The following PCBP2 variants were observed in gnomAD, a reference collection of about 807,000 sequenced individuals.
PCBP2 encodes poly(rC) binding protein 2, also known as poly(rC)-binding protein 2.
A neutral mutation model predicts 50.1 loss-of-function variants in PCBP2; 4 were observed. The ratio of observed to expected loss-of-function variants is 0.08; its 90% CI spans 0.04 to 0.18. PCBP2 has a LOEUF of 0.18. Among genes scored for constraint, PCBP2 ranks in the 10% least tolerant of loss-of-function variants. The pLI is 1.00. For synonymous variants in PCBP2, 179 were observed against 168.0 expected, an observed-to-expected ratio of 1.07 and a Z score of -0.51; for missense variants, 161 against 474.3, an observed-to-expected ratio of 0.34 and a Z score of 6.14.
chr12:53,477,691 A>C (rs955985194), intron 14 of PCBP2, among the ~76,000 whole-genome samples: 3 of 149,902 alleles, frequency 2.0e-5, no homozygotes, highest in African/African-American at 4.9e-5. Flanking sequence ...AAAAAAAAAA[A>C]AAACCCTAAA....
At chr12:53,454,544 CT>C in intron 1 of PCBP2, 181 bp from the exon 2 acceptor site, 2 of 479,506 alleles carry the variant, frequency 4.2e-6, no homozygotes, top group Non-Finnish European at 3.8e-6. Context: ...GCCTTCTATA[CT>C]GTGTAACAGA....
intron 9 of PCBP2, among the ~76,000 whole-genome samples, chr12:53,465,317 T>C (rs879715166): frequency 2.0e-5 from 3 of 151,932 alleles, no homozygotes; most frequent in Admixed American, 6.6e-5. Flanking sequence ...GAGGGCATAG[T>C]GGGAGCTGCA....
At chr12:53,468,933 TTTTA>T in intron 13 of PCBP2, 101 bp downstream of exon 13, 2 of 952,550 alleles carry the variant, frequency 2.1e-6, no homozygotes, top group Admixed American at 2.1e-5. Flanking sequence ...TTTTTTTTTT[TTTTA>T]AACAGCCCAG....
rs775680622 is a variant in PCBP2, at chr12:53,460,840, C to A, written c.376-175C>A. The A allele has an allele frequency of 1.0e-5, 6 of 585,952 alleles. No homozygotes were observed. In the South Asian group the frequency reaches 1.3e-4, roughly 13 times the overall value. The allele number at this position is 585,952 out of a possible 1,614,324, so 36.3% of individuals were successfully genotyped here. ...TTCAGTGGCTAATTTATTTTTAACT[C>A]TAATTCACTAAACAGTCCTATCTGG... On this transcript the variant is annotated intron_variant, in intron 6 of 14. Coordinates refer to ENST00000546463, the MANE Select transcript of PCBP2 (RefSeq NM_031989.5).
intron 1 of PCBP2, among the ~76,000 whole-genome samples, chr12:53,453,875 A>T (rs1390827657): frequency 1.3e-5 from 2 of 152,248 alleles, no homozygotes; most frequent in African/African-American, 4.8e-5. Flanking sequence ...GCCATCTTGT[A>T]TAGGAAAGGT....
chr12:53,452,645 G>C (rs377244302), intron 1 of PCBP2, among the ~76,000 whole-genome samples: 11 of 151,610 alleles, frequency 7.3e-5, no homozygotes, highest in Admixed American at 3.3e-4. Context: ...GCGCGCGGTA[G>C]GGGGGGCGGC....
intron 4 of PCBP2, 31 bp from the exon 5 acceptor site, chr12:53,455,854 T>G: frequency 6.9e-7 from 1 of 1,439,544 alleles, no homozygotes; most frequent in Non-Finnish European, 9.8e-7. Context: ...TTCTTTGTTT[T>G]AACTTCTTTT....
At chr12:53,473,523 T>G (rs1156875865) in intron 14 of PCBP2, among the ~76,000 whole-genome samples, 1 of 152,198 alleles carries the variant, frequency 6.6e-6, no homozygotes, top group Admixed American at 6.5e-5. Context: ...TGTGACTGTT[T>G]AAATGTGACC....
intron 6 of PCBP2, chr12:53,460,471 T>C: frequency 4.0e-6 from 1 of 252,670 alleles, no homozygotes; most frequent in Non-Finnish European, 8.3e-6. Context: ...ACTATGGAAG[T>C]TACGTTGAAT....
At chr12:53,454,964 G>C (rs1033253034) in intron 2 of PCBP2, 95 bp downstream of exon 2, 4 of 1,026,644 alleles carry the variant, frequency 3.9e-6, no homozygotes, top group African/African-American at 1.6e-5. Flanking sequence ...GATTAGCACT[G>C]TGGGGCATCT....
intron 14 of PCBP2, among the ~76,000 whole-genome samples, chr12:53,477,712 A>G (rs910670675): frequency 1.6e-4 from 24 of 149,332 alleles, no homozygotes; most frequent in African/African-American, 5.2e-4. Flanking sequence ...TATTCCCTTA[A>G]TACTGAGGTG....
intron 14 of PCBP2, among the ~76,000 whole-genome samples, chr12:53,477,409 TAATCCCAGCACTTTGGGAGGCCG>T (rs1271564674): frequency 6.6e-6 from 1 of 152,094 alleles, no homozygotes; most frequent in Non-Finnish European, 1.5e-5. Flanking sequence ...CTCACGCCTG[TAATCCCAGCACTTTGGGAGGCCG>T]AGGCGGGTGG....
At chr12:53,462,337 A>G (rs1465012848) in intron 7 of PCBP2, 156 bp from the exon 8 acceptor site, 6 of 523,658 alleles carry the variant, frequency 1.1e-5, no homozygotes, top group Non-Finnish European at 2.1e-5. Flanking sequence ...CTTTCAGTAG[A>G]TAAATTGAGA....
intron 5 of PCBP2, among the ~76,000 whole-genome samples, chr12:53,458,997 G>A (rs985075460): frequency 1.3e-5 from 2 of 152,114 alleles, no homozygotes; most frequent in African/African-American, 4.8e-5. Flanking sequence ...AAGTGTAACT[G>A]CAAAACAGAT....
rs1941415660 is a variant in PCBP2 at position 53,461,032 on chromosome 12, C to T, written c.393C>T (p.Val131=). 6.2e-7 allele frequency: 1 copy of T among 1,613,578 alleles called. No homozygotes were observed. The highest frequency in any genetic ancestry group is 8.5e-7 in the Non-Finnish European group (1 of 1,179,962). The part of the protein sequence containing the change: ...KEIRESTGAQ[V]QVAGDMLPNS... ...CTCCAAAGAGTACAGGGGCTCAGGT[C>T]CAGGTGGCAGGGGATATGCTACCCA... is the stretch of plus-strand genomic sequence containing the variant. Residue 131 remains valine, a synonymous_variant, in exon 7 of 15, where the codon GTC becomes GTT. Transcript: ENST00000546463.
intron 14 of PCBP2, 89 bp downstream of exon 14, chr12:53,471,896 A>G (rs182699255): frequency 5.7e-5 from 56 of 980,292 alleles, no homozygotes; most frequent in Non-Finnish European, 7.0e-5. Flanking sequence ...ATGGGATTAC[A>G]TGGGCGATGG....
intron 6 of PCBP2, among the ~76,000 whole-genome samples, 171 bp downstream of exon 6, chr12:53,459,574 G>T (rs1006280051): frequency 1.3e-5 from 2 of 152,022 alleles, no homozygotes; most frequent in African/African-American, 2.4e-5. Flanking sequence ...GAATTATTTT[G>T]CATAATTCAT....
At chr12:53,470,593 AAAGAC>A (rs1942153481) in intron 13 of PCBP2, among the ~76,000 whole-genome samples, 1 of 150,880 alleles carries the variant, frequency 6.6e-6, no homozygotes, top group Non-Finnish European at 1.5e-5. Context: ...TTTTTTTTGT[AAAGAC>A]AAGAGTTTCG....
chr12:53,464,993 C>A, intron 9 of PCBP2, 141 bp downstream of exon 9: 1 of 1,082,518 alleles, frequency 9.2e-7, no homozygotes, highest in Non-Finnish European at 1.2e-6. Flanking sequence ...ACTGACCCCC[C>A]CAACCTCATT....
Sources: gnomAD v4.1 joint callset for allele counts (sites outside exome capture counted in the v4.1 genomes callset) on GRCh38, gnomAD v4.1.1 for gene constraint, MANE v1.5 for transcripts, NCBI Gene and HGNC (gene_info 2026-07-23, HGNC 2026-07-21) for gene names.